The following PIK3C3 variants were observed in gnomAD, a reference collection of about 807,000 sequenced individuals.
PIK3C3 encodes the protein phosphatidylinositol 3-kinase catalytic subunit type 3.
PIK3C3 carries 95 observed loss-of-function variants against 126.1 expected under a neutral mutation model. The ratio of observed to expected loss-of-function variants is 0.75; its 90% CI spans 0.64 to 0.89. The LOEUF (loss-of-function observed/expected upper bound fraction) is 0.89, where lower values mean the gene tolerates loss of function less well. Ranked by LOEUF, PIK3C3 falls within the 40% of genes least tolerant of loss-of-function variation. PIK3C3 has a pLI of 0.00. For missense variants in PIK3C3, 829 were observed against 1,063.2 expected (o/e 0.78, Z 3.06); for synonymous variants, 374 against 360.0 (o/e 1.04, Z -0.44).
intron 13 of PIK3C3, 25 bp from the exon 14 acceptor site, chr18:42,027,418 A>AT: frequency 7.3e-7 from 1 of 1,372,218 alleles, no homozygotes; most frequent in Non-Finnish European, 1.0e-6. Flanking sequence ...TTCACATCAC[A>AT]TGAATGGCTC....
intron 22 of PIK3C3, among the ~76,000 whole-genome samples, chr18:42,061,943 G>A (rs554474323): frequency 2.0e-5 from 3 of 151,584 alleles, no homozygotes; most frequent in Non-Finnish European, 4.4e-5. Flanking sequence ...CTGGCTGCCC[G>A]TTAGAATCAC....
chr18:42,011,230 T>G (rs543650507), intron 10 of PIK3C3, among the ~76,000 whole-genome samples: 1 of 152,328 alleles, frequency 6.6e-6, no homozygotes, highest in Admixed American at 6.5e-5. Flanking sequence ...CGTTAGACCC[T>G]TACCAAGAGA....
Position 41,973,829 on chromosome 18 carries a change from A to G in PIK3C3, c.531+3373A>G, listed in dbSNP as rs1462758612. On this transcript the variant is annotated intron_variant, in intron 4 of 24. Transcript: ENST00000262039. ...TAATGTCTGTATTTCTCACGCTACC[A>G]TTTTAAGAAAAAAAATTAGTATTCA... is the stretch of plus-strand genomic sequence containing the variant. Among the ~76,000 whole-genome samples, 3 of 152,258 alleles carry G rather than the reference A, an allele frequency of 2.0e-5. No homozygotes were observed. The East Asian group carries it at 5.8e-4, about 29-fold the overall frequency.
rs1986380789 is a variant in PIK3C3, at chr18:42,085,505, C to T, written c.*4368C>T. The stretch of plus-strand genomic sequence containing the variant: ...AAAAAGCTAATACTGATATCACACA[C>T]TAATTGTGTATAAAACACTAGGAAT... On this transcript the variant is annotated 3_prime_UTR_variant, in exon 25 of 25. Transcript: ENST00000262039. 1 of 152,096 alleles carries T rather than the reference C, an allele frequency of 6.6e-6. No individual in the cohort carries two copies. Among genetic ancestry groups the T allele is most frequent in the Admixed American group, 6.5e-5 (1 of 15,276 alleles). 9.4% of individuals were successfully genotyped at this position (152,096 alleles called of 1,614,324 possible).
chr18:42,033,997 A>G (rs1386724087), intron 16 of PIK3C3, 40 bp downstream of exon 16: 1 of 1,437,894 alleles, frequency 7.0e-7, no homozygotes, highest in Non-Finnish European at 9.4e-7. Context: ...ATTGGAACCT[A>G]ATTCTTAAGC....
intron 10 of PIK3C3, among the ~76,000 whole-genome samples, chr18:42,011,476 C>G (rs1982823979): frequency 6.6e-6 from 1 of 152,156 alleles, no homozygotes; most frequent in African/African-American, 2.4e-5. Context: ...GTTTCCTCAC[C>G]TTTCTCAGCT....
At chr18:41,988,952 T>A (rs1981636731) in intron 5 of PIK3C3, among the ~76,000 whole-genome samples, 1 of 152,200 alleles carries the variant, frequency 6.6e-6, no homozygotes, top group Non-Finnish European at 1.5e-5. Flanking sequence ...GCCTTTTTCA[T>A]ATTTTTACAT....
At chr18:42,003,912 G>A (rs1010532030) in intron 9 of PIK3C3, among the ~76,000 whole-genome samples, 1 of 152,148 alleles carries the variant, frequency 6.6e-6, no homozygotes, top group Non-Finnish European at 1.5e-5. Context: ...GGAGGTGATC[G>A]AGAGTGAGGC....
At chr18:42,032,386 T>C (rs1265410544) in intron 15 of PIK3C3, among the ~76,000 whole-genome samples, 1 of 152,166 alleles carries the variant, frequency 6.6e-6, no homozygotes, top group Non-Finnish European at 1.5e-5. Context: ...GTAGAAGCTA[T>C]TGGAGATTTT....
chr18:41,963,436 C>T (rs756570840), intron 3 of PIK3C3, among the ~76,000 whole-genome samples: 5 of 152,112 alleles, frequency 3.3e-5, no homozygotes, highest in Non-Finnish European at 7.4e-5. Context: ...CAAAAAATCT[C>T]ATTTTTGGTC....
intron 24 of PIK3C3, chr18:42,070,606 G>A (rs1985733596): frequency 6.6e-6 from 1 of 152,130 alleles, no homozygotes; most frequent in East Asian, 1.9e-4. Flanking sequence ...GTTTACCAAA[G>A]TCTCTGGGCC....
At chr18:41,975,097 G>A (rs1329481375) in intron 4 of PIK3C3, among the ~76,000 whole-genome samples, 2 of 152,250 alleles carry the variant, frequency 1.3e-5, no homozygotes. Context: ...CTGTTGCAGG[G>A]AAGATGTGGT....
rs1057424584 is a variant in PIK3C3 at position 41,955,931 on chromosome 18, A to C, written c.68+572A>C. On this transcript the variant is annotated intron_variant, in intron 1 of 24. Transcript: ENST00000262039. ...GGTTCCAGTTTCAAAGGTACCAAGAAGATAGGAGAAAAGAGTCTTTGCAGG... is the reference window on the plus strand; with the variant it reads ...GGTTCCAGTTTCAAAGGTACCAAGACGATAGGAGAAAAGAGTCTTTGCAGG... Among the ~76,000 whole-genome samples, 5 of 152,296 alleles carry C rather than the reference A, an allele frequency of 3.3e-5. No homozygotes were observed. In the South Asian group the frequency reaches 6.2e-4, roughly 19 times the overall value.
intron 3 of PIK3C3, among the ~76,000 whole-genome samples, chr18:41,965,711 CTCT>C (rs1450549351): frequency 6.6e-6 from 1 of 152,148 alleles, no homozygotes; most frequent in Non-Finnish European, 1.5e-5. Flanking sequence ...TCATGCGTTC[CTCT>C]TCTTTACTCC....
intron 23 of PIK3C3, 94 bp from the exon 24 acceptor site, chr18:42,067,294 T>C: frequency 9.1e-7 from 1 of 1,098,280 alleles, no homozygotes; most frequent in Non-Finnish European, 1.4e-6. Context: ...GAATAGCTCA[T>C]GTTACCTTAT....
chr18:42,065,421 A>G (rs1302347613), intron 23 of PIK3C3, among the ~76,000 whole-genome samples: 1 of 152,246 alleles, frequency 6.6e-6, no homozygotes, highest in Non-Finnish European at 1.5e-5. Flanking sequence ...AAGGAAGAAC[A>G]AAATGAAAAT....
intron 10 of PIK3C3, among the ~76,000 whole-genome samples, chr18:42,008,924 A>G (rs1982673728): frequency 6.6e-6 from 1 of 152,130 alleles, no homozygotes; most frequent in Admixed American, 6.6e-5. Flanking sequence ...TTCCTGGGGA[A>G]TTTAATACCG....
At chr18:42,065,097 A>C (rs1985480754) in intron 23 of PIK3C3, among the ~76,000 whole-genome samples, 1 of 152,188 alleles carries the variant, frequency 6.6e-6, no homozygotes, top group African/African-American at 2.4e-5. Flanking sequence ...TTTATTTTAA[A>C]ATTGAATTTA....
chr18:41,984,238 G>A (rs1275100373), intron 4 of PIK3C3, among the ~76,000 whole-genome samples: 1 of 151,932 alleles, frequency 6.6e-6, no homozygotes, highest in African/African-American at 2.4e-5. Context: ...AATATAAATT[G>A]TTATGCCACC....
Sources: gnomAD v4.1 joint callset for allele counts (sites outside exome capture counted in the v4.1 genomes callset) on GRCh38, gnomAD v4.1.1 for gene constraint, MANE v1.5 for transcripts, NCBI Gene and HGNC (gene_info 2026-07-23, HGNC 2026-07-21) for gene names.